The following LRFN5 variants were observed in gnomAD, a reference collection of about 807,000 sequenced individuals.
The protein encoded by LRFN5 is leucine rich repeat and fibronectin type III domain containing 5, also known as leucine-rich repeat and fibronectin type-III domain-containing protein 5.
Under a neutral mutation model 45.6 loss-of-function variants are expected in LRFN5, and 24 were observed. The observed-to-expected ratio is 0.53, with a 90% CI of 0.38 to 0.74. The LOEUF is 0.74. Ranked by LOEUF, LRFN5 falls within the 30% of genes least tolerant of loss-of-function variation. LRFN5 has a pLI of 0.00. For synonymous variants in LRFN5, 340 were observed against 313.8 expected, an observed-to-expected ratio of 1.08 and a Z score of -0.88; for missense variants, 776 against 861.5, an observed-to-expected ratio of 0.90 and a Z score of 1.24.
chr14:41,894,466 C>T lies in LRFN5; in HGVS notation c.2098+2504C>T, dbSNP rs1172672071. Reference sequence around the variant, plus strand: ...AATATTTAAACCAAATGCTTGAACACTTGTTCTTAAAAATGATAGAAAGGT... The same window carrying T: ...AATATTTAAACCAAATGCTTGAACATTTGTTCTTAAAAATGATAGAAAGGT... On this transcript the variant is annotated intron_variant, in intron 4 of 5. Transcript: ENST00000298119. 4 of 957,460 alleles carry T rather than the reference C, an allele frequency of 4.2e-6. No homozygotes were observed. The South Asian group carries it at 1.5e-4, about 35-fold the overall frequency. 59.3% of individuals were successfully genotyped at this position (957,460 alleles called of 1,614,324 possible). A position where few individuals can be genotyped will look rare whatever the true frequency, so the allele number is the denominator to read the frequency against.
chr14:41,904,314 G>A lies in LRFN5; in HGVS notation c.*139G>A, dbSNP rs1891190362. The stretch of plus-strand genomic sequence containing the variant: ...AGAAATTGTCTACAGGAGCCAAGGT[G>A]AAAGTCTCTGATGACGGCGGAACTG... On this transcript the variant is annotated 3_prime_UTR_variant, in exon 6 of 6. Transcript: ENST00000298119. The A allele has an allele frequency of 1.9e-6, 2 of 1,037,784 alleles. No individual in the cohort carries two copies. Among genetic ancestry groups the A allele is most frequent in the East Asian group, 4.8e-5 (2 of 41,468 alleles). The allele number at this position is 1,037,784 out of a possible 1,614,324, so 64.3% of individuals were successfully genotyped here.
chr14:41,821,603 G>A (rs778753462), intron 2 of LRFN5, among the ~76,000 whole-genome samples: 14 of 151,822 alleles, frequency 9.2e-5, no homozygotes, highest in Non-Finnish European at 2.1e-4. Context: ...TTTTTGTTGT[G>A]TCATTGCCTG....
At chr14:41,892,042 T>C in intron 4 of LRFN5, 80 bp downstream of exon 4, 3 of 1,534,502 alleles carry the variant, frequency 2.0e-6, no homozygotes, top group South Asian at 1.3e-5. Flanking sequence ...AGGAATACTA[T>C]TGTTATATTA....
chr14:41,887,793 C>T lies in LRFN5; in HGVS notation c.1168C>T (p.Pro390Ser), dbSNP rs1315061124. ...AAATAGTACAAACCATATCCATGAG[C>T]CTGATCCTGGTTCTTCAGATATCTC... is the stretch of plus-strand genomic sequence containing the variant. ...LLNSTNHIHE[P>S]DPGSSDISTS... Residue 390 changes from proline (P) to serine (S), a missense_variant, in exon 3 of 6, where the codon CCT becomes TCT. Transcript: ENST00000298119. The surrounding 1 kb of genome is among the most constrained non-coding windows in gnomAD (Gnocchi z 4.8). 1 of 1,613,912 alleles carries T rather than the reference C, an allele frequency of 6.2e-7. No individual in the cohort carries two copies.
In LRFN5 at chr14:41,780,775, G is replaced by T. The variant is rs183193740; in HGVS notation, c.-21+13746G>T. On this transcript the variant is annotated intron_variant, in intron 2 of 5. Coordinates refer to ENST00000298119, the MANE Select transcript of LRFN5 (RefSeq NM_152447.5). ...TAATTTTTATTTTTCTGCATTATCT[G>T]GTTTTAAATGAACATTTTATATGAT... 3.6e-3 allele frequency among the ~76,000 whole-genome samples: 541 copies of T among 151,652 alleles called. 1 individual carries two copies. The highest frequency in any genetic ancestry group is 6.7e-3 in the Non-Finnish European group (454 of 67,818).
chr14:41,674,449 C>T (rs1258621776), intron 1 of LRFN5, among the ~76,000 whole-genome samples: 8 of 131,190 alleles, frequency 6.1e-5, no homozygotes, highest in African/African-American at 1.5e-4. Flanking sequence ...CCAGTAGGGG[C>T]GGCCGGGCAG....
intron 2 of LRFN5, among the ~76,000 whole-genome samples, chr14:41,843,985 G>C (rs372724671): frequency 6.6e-6 from 1 of 152,084 alleles, no homozygotes; most frequent in South Asian, 2.1e-4. Context: ...ATACATGAAG[G>C]GGCCAATAGC....
intron 3 of LRFN5, 145 bp downstream of exon 3, chr14:41,888,155 G>A: frequency 6.4e-6 from 4 of 625,596 alleles, no homozygotes; most frequent in Non-Finnish European, 1.1e-5. Context: ...TTTGAAAAAG[G>A]TGGTAATACA....
At chr14:41,660,172 C>T (rs894333858) in intron 1 of LRFN5, among the ~76,000 whole-genome samples, 1 of 151,942 alleles carries the variant, frequency 6.6e-6, no homozygotes, top group Non-Finnish European at 1.5e-5. Context: ...ATTACAGGCA[C>T]CTACCACCAT....
chr14:41,857,002 A>G lies in LRFN5; in HGVS notation c.-20-29604A>G, dbSNP rs189361495. Among the ~76,000 whole-genome samples the G allele has an allele frequency of 2.8e-3, 421 of 152,182 alleles. 2 individuals carry two copies. Among genetic ancestry groups the G allele is most frequent in the Middle Eastern group, 0.014 (4 of 294 alleles). On this transcript the variant is annotated intron_variant, in intron 2 of 5. Coordinates refer to ENST00000298119, the MANE Select transcript of LRFN5 (RefSeq NM_152447.5). ...TTAATGGCCAATAATAACACTTACT[A>G]TGCATAAAGTCCTTATCTAAGAACC...
intron 2 of LRFN5, among the ~76,000 whole-genome samples, chr14:41,861,585 A>G (rs1427533662): frequency 6.6e-6 from 1 of 152,184 alleles, no homozygotes; most frequent in Non-Finnish European, 1.5e-5. Context: ...GTCTGGGCAG[A>G]GAGACCTTGT....
chr14:41,823,699 C>T (rs925748820), intron 2 of LRFN5, among the ~76,000 whole-genome samples: 2 of 151,984 alleles, frequency 1.3e-5, no homozygotes, highest in African/African-American at 4.8e-5. Context: ...TCTGGCAGCA[C>T]TAGTGAATTT....
intron 1 of LRFN5, among the ~76,000 whole-genome samples, chr14:41,707,748 A>G (rs1015216765): frequency 4.6e-5 from 7 of 152,036 alleles, no homozygotes; most frequent in African/African-American, 1.7e-4. Context: ...ATAAAGTTTT[A>G]TTGGAACTTA....
chr14:41,779,403 A>G (rs964258804), intron 2 of LRFN5, among the ~76,000 whole-genome samples: 11 of 151,830 alleles, frequency 7.2e-5, no homozygotes, highest in Admixed American at 4.6e-4. Flanking sequence ...TTTTGGATCT[A>G]TGTTAAAGAG....
chr14:41,696,700 G>A (rs1367270306), intron 1 of LRFN5, among the ~76,000 whole-genome samples: 1 of 151,888 alleles, frequency 6.6e-6, no homozygotes, highest in Admixed American at 6.6e-5. Context: ...TGTACAAGGA[G>A]TCCATTTTTC....
intron 2 of LRFN5, among the ~76,000 whole-genome samples, chr14:41,835,448 C>T (rs1484338855): frequency 6.6e-6 from 1 of 152,138 alleles, no homozygotes; most frequent in Non-Finnish European, 1.5e-5. Context: ...CAAACACCTG[C>T]CAATTACTTT....
chr14:41,678,731 G>A (rs968895074), intron 1 of LRFN5, among the ~76,000 whole-genome samples: 2 of 152,096 alleles, frequency 1.3e-5, no homozygotes, highest in African/African-American at 4.8e-5. Flanking sequence ...CCTGACCCCT[G>A]TAAGAACACT....
intron 2 of LRFN5, among the ~76,000 whole-genome samples, chr14:41,827,293 G>A (rs770055206): frequency 6.6e-6 from 1 of 152,026 alleles, no homozygotes; most frequent in African/African-American, 2.4e-5. Context: ...GCTTATGATG[G>A]CAATTGCATT....
chr14:41,669,151 A>G (rs368986082), intron 1 of LRFN5, among the ~76,000 whole-genome samples: 1 of 152,066 alleles, frequency 6.6e-6, no homozygotes, highest in African/African-American at 2.4e-5. Flanking sequence ...CCATAAACCA[A>G]TGTGAAGAGG....
Sources: gnomAD v4.1 joint callset for allele counts (sites outside exome capture counted in the v4.1 genomes callset) on GRCh38, gnomAD v4.1.1 for gene constraint, Gnocchi (gnomAD v3.1) non-coding constraint, MANE v1.5 for transcripts, NCBI Gene and HGNC (gene_info 2026-07-23, HGNC 2026-07-21) for gene names.